Variants in ZFP64 observed in about 807,000 individuals in gnomAD.
ZFP64 encodes zinc finger protein 64.
In ZFP64, 14 loss-of-function variants were observed where a neutral mutation model predicts 51.6. The ratio of observed to expected loss-of-function variants is 0.27; its 90% CI spans 0.18 to 0.42. The LOEUF is 0.42. Ranked by LOEUF, ZFP64 falls within the 10% of genes least tolerant of loss-of-function variation. ZFP64 has a pLI of 1.00. For missense variants in ZFP64, 754 were observed against 906.8 expected (o/e 0.83, Z 2.16); for synonymous variants, 375 against 361.4 (o/e 1.04, Z -0.43).
intron 2 of ZFP64, among the ~76,000 whole-genome samples, chr20:52,167,043 G>A (rs1982334526): frequency 6.6e-6 from 1 of 152,092 alleles, no homozygotes; most frequent in Admixed American, 6.6e-5. Flanking sequence ...TATAATTGTA[G>A]GCTGGGCGCT....
intron 5 of ZFP64, among the ~76,000 whole-genome samples, chr20:52,118,576 G>C (rs2122841659): frequency 6.6e-6 from 1 of 152,304 alleles, no homozygotes; most frequent in Admixed American, 6.5e-5. Flanking sequence ...CGGCCTGCCT[G>C]ACATTTTCTA....
exon 9 of ZFP64, chr20:52,084,538 A>G: frequency 6.2e-7 from 1 of 1,601,008 alleles, no homozygotes; most frequent in Non-Finnish European, 8.5e-7. Flanking sequence ...CCGACAGCTG[A>G]CCACCCTCTT....
chr20:52,107,532 A>G (rs963022534), intron 5 of ZFP64, among the ~76,000 whole-genome samples: 1 of 152,092 alleles, frequency 6.6e-6, no homozygotes, highest in African/African-American at 2.4e-5. Flanking sequence ...TACAGATCTC[A>G]TTCATTTGCT....
rs368307826 is a variant in ZFP64 at position 52,160,292 on chromosome 20, C to T, written c.594G>A (p.Thr198=). ...TCTTACACTTGTAGGGCTTCACGCCCGTGTGGCACCGCATGTGAGTTTTCA... is the reference window on the plus strand; with the variant it reads ...TCTTACACTTGTAGGGCTTCACGCCTGTGTGGCACCGCATGTGAGTTTTCA... ...DKLKTHMRCH[T]GVKPYKCKTC... Residue 198 remains threonine (T), a synonymous_variant, in exon 5 of 6, where the codon ACG becomes ACA. Transcript: ENST00000216923. The surrounding 1 kb of genome is among the most constrained non-coding windows in gnomAD (Gnocchi z 4.2). The T allele has an allele frequency of 5.6e-6, 9 of 1,614,078 alleles. No individual in the cohort carries two copies. Among genetic ancestry groups the T allele is most frequent in the Admixed American group, 5.0e-5 (3 of 60,004 alleles).
chr20:52,154,869 G>C (rs768833509), intron 5 of ZFP64, among the ~76,000 whole-genome samples: 1 of 152,116 alleles, frequency 6.6e-6, no homozygotes, highest in Non-Finnish European at 1.5e-5. Context: ...GATAGATACT[G>C]CATGGCCCAC....
intron 5 of ZFP64, among the ~76,000 whole-genome samples, chr20:52,106,054 A>C (rs781071974): frequency 2.0e-5 from 3 of 152,128 alleles, no homozygotes; most frequent in Non-Finnish European, 4.4e-5. Context: ...GAGGCCAGAA[A>C]TGTGTGTTTT....
intron 5 of ZFP64, among the ~76,000 whole-genome samples, chr20:52,142,519 A>T (rs1047297514): frequency 6.6e-6 from 1 of 151,852 alleles, no homozygotes; most frequent in South Asian, 2.1e-4. Context: ...AACTGCATGC[A>T]CTTGTATCCC....
At chr20:52,179,572 T>G (rs1325574449) in intron 2 of ZFP64, among the ~76,000 whole-genome samples, 1 of 152,206 alleles carries the variant, frequency 6.6e-6, no homozygotes, top group Non-Finnish European at 1.5e-5. Flanking sequence ...AACTAGAAAT[T>G]GAGCAACTAA....
Position 52,098,647 on chromosome 20 carries a change from G to A in ZFP64, c.764-60C>T, listed in dbSNP as rs937257417. ...TTTATAACCACCATGCTAAGTCTTA[G>A]AATACAGTAGGTTTGGGCTTATTTC... On this transcript the variant is annotated intron_variant, in intron 5 of 8. Transcript: ENST00000361387. 3.1e-6 allele frequency: 5 copies of A among 1,605,356 alleles called. No individual in the cohort carries two copies. The South Asian group carries it at 4.4e-5, about 14-fold the overall frequency.
At position 52,139,233 on chromosome 20, in the gene ZFP64, G is replaced by A. The variant is rs185206276; in HGVS notation, c.763+20890C>T. The stretch of plus-strand genomic sequence containing the variant: ...ATACGTTCATCGCAGCACTATTCAC[G>A]ATAGCAACATGGAATCAACCTAGAT... On this transcript the variant is annotated intron_variant, in intron 5 of 8. Coordinates refer to the ZFP64 transcript ENST00000361387. Among the ~76,000 whole-genome samples, 47 of 152,202 alleles carry A rather than the reference G, an allele frequency of 3.1e-4. No homozygotes were observed. In the East Asian group the frequency reaches 5.8e-3, roughly 19 times the overall value.
At chr20:52,169,621 C>A (rs555888282) in intron 2 of ZFP64, among the ~76,000 whole-genome samples, 3 of 152,192 alleles carry the variant, frequency 2.0e-5, no homozygotes, top group Admixed American at 2.0e-4. Context: ...TAAGCCTGGG[C>A]AAGTCACAGC....
At chr20:52,119,576 A>AAC (rs138828393) in intron 5 of ZFP64, among the ~76,000 whole-genome samples, 13,067 of 132,366 alleles carry the variant, frequency 0.099, 1,945 homozygotes, top group African/African-American at 0.33. Flanking sequence ...ATACACACAC[A>AAC]ACACACACAC....
intron 2 of ZFP64, among the ~76,000 whole-genome samples, chr20:52,166,875 C>T (rs1412601335): frequency 6.6e-6 from 1 of 151,868 alleles, no homozygotes; most frequent in Non-Finnish European, 1.5e-5. Context: ...TAATGAAACA[C>T]CAAAAAGGAA....
intron 2 of ZFP64, among the ~76,000 whole-genome samples, chr20:52,169,215 G>A (rs1391360669): frequency 6.6e-6 from 1 of 152,182 alleles, no homozygotes; most frequent in Non-Finnish European, 1.5e-5. Context: ...CTCAATAAAT[G>A]TCAACAGGGA....
chr20:52,171,601 T>C (rs1445187182), intron 2 of ZFP64, among the ~76,000 whole-genome samples: 2 of 150,502 alleles, frequency 1.3e-5, no homozygotes, highest in African/African-American at 4.9e-5. Flanking sequence ...GTGATTCTCC[T>C]GCTTCAGCCT....
In ZFP64 at chr20:52,106,187, CG is replaced by C. The variant is rs1329801360; in HGVS notation, c.764-7601del. ...CAGCAGGTGACGGAGGCGTGGTCCT[CG>C]GGGGGTTGAGCTAATTAGCGTTCAT... On this transcript the variant is annotated intron_variant, in intron 5 of 8. Coordinates refer to the ZFP64 transcript ENST00000361387. Among the ~76,000 whole-genome samples, 4 of 152,272 alleles carry C rather than the reference CG, an allele frequency of 2.6e-5. No homozygotes were observed. In the East Asian group the frequency reaches 7.7e-4, roughly 29 times the overall value.
chr20:52,137,745 G>A (rs1194696449), intron 5 of ZFP64, among the ~76,000 whole-genome samples: 1 of 152,178 alleles, frequency 6.6e-6, no homozygotes, highest in African/African-American at 2.4e-5. Context: ...CAGAATTTGA[G>A]GATGGCGGCT....
intron 5 of ZFP64, among the ~76,000 whole-genome samples, chr20:52,113,117 GA>G (rs1219462846): frequency 4.6e-5 from 7 of 151,996 alleles, no homozygotes; most frequent in Non-Finnish European, 1.0e-4. Flanking sequence ...GGCAGATCAC[GA>G]GGTCAAGAGA....
intron 5 of ZFP64, among the ~76,000 whole-genome samples, chr20:52,142,024 T>C (rs1401726871): frequency 6.6e-6 from 1 of 152,100 alleles, no homozygotes; most frequent in Non-Finnish European, 1.5e-5. Context: ...CAGTGTGGAA[T>C]AGTAGACATT....
Sources: allele counts gnomAD v4.1 joint callset (sites outside exome capture counted in the v4.1 genomes callset), GRCh38; gene constraint gnomAD v4.1.1; non-coding constraint Gnocchi (gnomAD v3.1); transcripts MANE v1.5; gene names NCBI Gene and HGNC (gene_info 2026-07-23, HGNC 2026-07-21).